ITSN2: variants seen among roughly 807,000 people sequenced by gnomAD.
ITSN2 encodes the protein intersectin 2, also known as intersectin-2.
A neutral mutation model predicts 243.7 loss-of-function variants in ITSN2; 156 were observed. That is an observed-to-expected ratio of 0.64 (90% CI 0.56 to 0.73). ITSN2 has a LOEUF of 0.73. Among genes scored for constraint, ITSN2 ranks in the 30% least tolerant of loss-of-function variants. ITSN2 has a pLI of 0.00. For missense variants in ITSN2, 1,801 were observed against 1,996.1 expected (o/e 0.90, Z 1.86); for synonymous variants, 703 against 699.9 (o/e 1.00, Z -0.07).
chr2:24,358,155 C>T (rs762220116), intron 1 of ITSN2, among the ~76,000 whole-genome samples: 5 of 152,198 alleles, frequency 3.3e-5, no homozygotes, highest in Non-Finnish European at 7.3e-5. Flanking sequence ...GTGATCCGCC[C>T]TCCTCGGCCT....
rs181776793 is a variant in ITSN2 at position 24,325,677 on chromosome 2, C to T, written c.31+2375G>A. ...TCCCTAAAAAGCTAACAAACTTTTA[C>T]AATATGTAATAATCGTGTTAGAAAT... is the stretch of plus-strand genomic sequence containing the variant. On this transcript the variant is annotated intron_variant, in intron 2 of 39. Transcript: ENST00000355123. Among the ~76,000 whole-genome samples the T allele has an allele frequency of 3.4e-4, 52 of 152,298 alleles. No individual in the cohort carries two copies. The Middle Eastern group carries it at 0.017, about 50-fold the overall frequency.
intron 30 of ITSN2, among the ~76,000 whole-genome samples, chr2:24,218,343 T>A (rs1280372587): frequency 6.6e-6 from 1 of 152,214 alleles, no homozygotes. Context: ...CTGTACAAGC[T>A]TGCAGGATTG....
intron 29 of ITSN2, chr2:24,221,322 C>G: frequency 2.4e-6 from 1 of 411,068 alleles, no homozygotes; most frequent in Non-Finnish European, 4.3e-6. Context: ...CTTTTCAGAA[C>G]TGTGCAGAGC....
chr2:24,266,894 G>A (rs747492767), intron 20 of ITSN2, among the ~76,000 whole-genome samples: 14 of 151,880 alleles, frequency 9.2e-5, no homozygotes, highest in Non-Finnish European at 1.6e-4. Flanking sequence ...CCATGATCCC[G>A]CCACTGCACT....
At chr2:24,218,067 C>A (rs1200088152) in intron 30 of ITSN2, 54 bp from the exon 31 acceptor site, 1 of 1,149,058 alleles carries the variant, frequency 8.7e-7, no homozygotes, top group Non-Finnish European at 1.3e-6. Flanking sequence ...ACACAGCCTA[C>A]GTGTGGTCTA....
Position 24,275,786 on chromosome 2 carries a change from C to A in ITSN2, c.2008G>T (p.Asp670Tyr), listed in dbSNP as rs914781923. 19 of 1,612,356 alleles carry A rather than the reference C, an allele frequency of 1.2e-5. No individual in the cohort carries two copies. The highest frequency in any genetic ancestry group is 1.5e-5 in the Non-Finnish European group (18 of 1,178,642). Residue 670 changes from aspartate to tyrosine, a missense_variant, in exon 18 of 40, where the codon GAC (aspartate) becomes TAC (tyrosine). By Grantham distance (160) the Asp-to-Tyr change is radical (BLOSUM62 -3). Transcript: ENST00000355123. Reference protein sequence around the residue: ...ALEQLYKIKRDKLKEIERKRL... With the variant: ...ALEQLYKIKRYKLKEIERKRL... ...TTCCTTTCAATTTCCTTCAACTTGT[C>A]ACGTTTGATCTTATAAAGCTGTTCA... is the stretch of plus-strand genomic sequence containing the variant.
In ITSN2 at chr2:24,203,135, A is replaced by G. The variant is rs892899201; in HGVS notation, c.*491T>C. The G allele has an allele frequency of 6.5e-6, 1 of 153,090 alleles. No homozygotes were observed. The highest frequency in any genetic ancestry group is 2.4e-5 in the African/African-American group (1 of 41,452). The allele number at this position is 153,090 out of a possible 1,614,324, so 9.5% of individuals were successfully genotyped here. On this transcript the variant is annotated 3_prime_UTR_variant, in exon 40 of 40. Coordinates refer to ENST00000355123, the MANE Select transcript of ITSN2 (RefSeq NM_006277.3). ...AATGATCAAGTTTCTGTTTTTATTC[A>G]GTGCACGAGTAGACGCTATTTCAGT...
At chr2:24,299,860 CTT>C in intron 12 of ITSN2, 47 bp downstream of exon 12, 1 of 1,450,464 alleles carries the variant, frequency 6.9e-7, no homozygotes, top group Admixed American at 2.1e-5. Context: ...AATATAGTCA[CTT>C]ATTAAATGTA....
chr2:24,354,361 T>C (rs758686974), intron 1 of ITSN2, among the ~76,000 whole-genome samples: 3 of 152,224 alleles, frequency 2.0e-5, no homozygotes, highest in Non-Finnish European at 2.9e-5. Context: ...CCTTCTTATA[T>C]AGATTATTCC....
At chr2:24,307,128 T>C (rs1344616372) in intron 8 of ITSN2, among the ~76,000 whole-genome samples, 1 of 152,168 alleles carries the variant, frequency 6.6e-6, no homozygotes, top group Non-Finnish European at 1.5e-5. Flanking sequence ...AAATGCAAAA[T>C]GTAGGGTACA....
chr2:24,239,040 C>T (rs1451498582), intron 29 of ITSN2: 1 of 152,450 alleles, frequency 6.6e-6, no homozygotes, highest in Non-Finnish European at 1.5e-5. Context: ...TGCACAATCT[C>T]AATACCTTTA....
intron 37 of ITSN2, chr2:24,205,740 A>G (rs964767463): frequency 2.8e-5 from 5 of 177,428 alleles, no homozygotes; most frequent in Non-Finnish European, 6.1e-5. Flanking sequence ...AAATAGTAAT[A>G]TTAATAAAAT....
At chr2:24,224,350 G>A (rs1236438038) in intron 29 of ITSN2, among the ~76,000 whole-genome samples, 1 of 152,168 alleles carries the variant, frequency 6.6e-6, no homozygotes, top group South Asian at 2.1e-4. Context: ...AATCATTAAA[G>A]CAAATATATA....
At chr2:24,288,867 C>T (rs996868332) in intron 15 of ITSN2, among the ~76,000 whole-genome samples, 4 of 152,140 alleles carry the variant, frequency 2.6e-5, no homozygotes, top group Non-Finnish European at 5.9e-5. Context: ...TTATTCTCTA[C>T]TTTTATGGAT....
chr2:24,250,769 T>C (rs1673981316), intron 25 of ITSN2, among the ~76,000 whole-genome samples: 2 of 152,208 alleles, frequency 1.3e-5, no homozygotes, highest in African/African-American at 4.8e-5. Context: ...GCAAATGCTA[T>C]TAAAATACTT....
intron 8 of ITSN2, among the ~76,000 whole-genome samples, chr2:24,305,159 G>A (rs1172472080): frequency 6.6e-6 from 1 of 152,164 alleles, no homozygotes; most frequent in Non-Finnish European, 1.5e-5. Context: ...TCAAAGATAT[G>A]AACCATGTCT....
At chr2:24,337,344 ATATATATATG>A (rs1686553664) in intron 1 of ITSN2, among the ~76,000 whole-genome samples, 1 of 117,912 alleles carries the variant, frequency 8.5e-6, no homozygotes, top group African/African-American at 3.3e-5. Context: ...ATATATATAT[ATATATATATG>A]TAATTTTTTT....
rs1668520919 is a variant in ITSN2 at position 24,203,460 on chromosome 2, C to T, written c.*166G>A. On this transcript the variant is annotated 3_prime_UTR_variant, in exon 40 of 40. Coordinates refer to ENST00000355123, the MANE Select transcript of ITSN2 (RefSeq NM_006277.3). ...GGTTTCTTTATGGGAAAGGTGTTTG[C>T]ATAGATTGCTAGCTATTTAGTGTGC... 1.6e-6 allele frequency: 1 copy of T among 642,682 alleles called. No individual in the cohort carries two copies. 39.8% of individuals were successfully genotyped at this position (642,682 alleles called of 1,614,324 possible). A position where few individuals can be genotyped will look rare whatever the true frequency, so the allele number is the denominator to read the frequency against.
Position 24,216,085 on chromosome 2 carries a change from C to T in ITSN2, c.3954G>A (p.Lys1318=). The change falls in exon 32 of 40, where the codon AAG becomes AAA. Residue 1318 remains lysine (K), a synonymous_variant. Coordinates refer to ENST00000355123, the MANE Select transcript of ITSN2 (RefSeq NM_006277.3). ...CTTTGAAATCTGTGTCTTCATCTGT[C>T]TTCTGCTGTAACAGAGCTGCTCCAT... ...QLNGAALLQQ[K]TDEDTDFKEF... 6.2e-7 allele frequency: 1 copy of T among 1,609,046 alleles called. No homozygotes were observed. Among genetic ancestry groups the T allele is most frequent in the Non-Finnish European group, 8.5e-7 (1 of 1,177,674 alleles).
Sources: gnomAD v4.1 joint callset for allele counts (sites outside exome capture counted in the v4.1 genomes callset) on GRCh38, gnomAD v4.1.1 for gene constraint, MANE v1.5 for transcripts, NCBI Gene and HGNC (gene_info 2026-07-23, HGNC 2026-07-21) for gene names.